The following PTPRD variants were observed in gnomAD, a reference collection of about 807,000 sequenced individuals.
PTPRD encodes the protein receptor-type tyrosine-protein phosphatase delta.
In PTPRD, 34 loss-of-function variants were observed where a neutral mutation model predicts 214.5. The observed-to-expected ratio is 0.16, with a 90% CI of 0.12 to 0.21. PTPRD has a LOEUF of 0.21. Ranked by LOEUF, PTPRD falls within the 10% of genes least tolerant of loss-of-function variation. The probability of loss-of-function intolerance (pLI) is 1.00; values close to 1 mark genes in which losing one functional copy is unlikely to be tolerated. For synonymous variants in PTPRD, 1,128 were observed against 845.7 expected (o/e 1.33, Z -5.79); for missense variants, 2,545 against 2,398.7 (o/e 1.06, Z -1.27).
chr9:8,341,750 C>T lies in PTPRD; in HGVS notation c.4890G>A (p.Gln1630=), dbSNP rs2132492657. ...VPARNLYAYI[Q]KLTQIETGEN... is the part of the protein sequence containing the mutation. ...CTCCCGTTTCTATTTGTGTCAGCTT[C>T]TGAATGTAGGCATACAAGTTTCTAG... is the stretch of plus-strand genomic sequence containing the variant. Residue 1630 remains glutamine (Q), a synonymous_variant, in exon 40 of 46, where the codon CAG becomes CAA. Coordinates refer to ENST00000381196, the MANE Select transcript of PTPRD (RefSeq NM_002839.4). 1.2e-6 allele frequency: 2 copies of T among 1,613,562 alleles called. No homozygotes were observed. Among genetic ancestry groups the T allele is most frequent in the Non-Finnish European group, 1.7e-6 (2 of 1,179,700 alleles).
At chr9:9,300,295 T>A (rs1380655792) in intron 9 of PTPRD, among the ~76,000 whole-genome samples, 1 of 151,660 alleles carries the variant, frequency 6.6e-6, no homozygotes, top group Non-Finnish European at 1.5e-5. Context: ...TGGAACTAAT[T>A]TGTATACACT....
intron 7 of PTPRD, among the ~76,000 whole-genome samples, chr9:9,595,946 TA>T (rs144715622): frequency 0.01 from 1,546 of 148,640 alleles, 27 homozygotes; most frequent in East Asian, 0.083. Flanking sequence ...CCTATGGAAA[TA>T]AAAAAAAAAT....
At chr9:8,343,566 G>A (rs1022195666) in intron 39 of PTPRD, among the ~76,000 whole-genome samples, 1 of 151,954 alleles carries the variant, frequency 6.6e-6, no homozygotes, top group South Asian at 2.1e-4. Context: ...GTTAGATGGC[G>A]AGTTTTCCCT....
chr9:10,446,870 G>T (rs1290232110), intron 2 of PTPRD, among the ~76,000 whole-genome samples: 1 of 152,124 alleles, frequency 6.6e-6, no homozygotes, highest in Non-Finnish European at 1.5e-5. Context: ...CCTAATGTTT[G>T]TGCCACAGCA....
chr9:9,436,030 C>A (rs1218473653), intron 8 of PTPRD, among the ~76,000 whole-genome samples: 1 of 152,134 alleles, frequency 6.6e-6, no homozygotes, highest in Non-Finnish European at 1.5e-5. Flanking sequence ...CTGACCTCAC[C>A]TCTACTTCTG....
intron 7 of PTPRD, among the ~76,000 whole-genome samples, chr9:9,672,968 A>T (rs2096859325): frequency 6.6e-6 from 1 of 152,046 alleles, no homozygotes; most frequent in Non-Finnish European, 1.5e-5. Flanking sequence ...ATCCCTGTTA[A>T]CTAAGAGACA....
chr9:10,531,673 T>A (rs994095539), intron 2 of PTPRD, among the ~76,000 whole-genome samples: 3 of 152,178 alleles, frequency 2.0e-5, no homozygotes, highest in African/African-American at 7.2e-5. Flanking sequence ...TTAAGGTGTA[T>A]GCATGTATGC....
intron 3 of PTPRD, among the ~76,000 whole-genome samples, chr9:10,304,985 A>G (rs913324354): frequency 6.6e-6 from 1 of 152,220 alleles, no homozygotes; most frequent in Non-Finnish European, 1.5e-5. Flanking sequence ...AGCTGGAGGC[A>G]TCACACTACC....
intron 10 of PTPRD, among the ~76,000 whole-genome samples, chr9:9,168,252 T>C (rs2099907946): frequency 6.6e-6 from 1 of 152,226 alleles, no homozygotes; most frequent in African/African-American, 2.4e-5. Context: ...ACCCTTCTTC[T>C]AGACAGTTTA....
intron 8 of PTPRD, among the ~76,000 whole-genome samples, chr9:9,569,835 A>G (rs2085800638): frequency 1.3e-5 from 2 of 151,544 alleles, no homozygotes; most frequent in Non-Finnish European, 3.0e-5. Flanking sequence ...AATTTATTTA[A>G]TCAGAATTAT....
chr9:10,197,780 C>T (rs2099403769), intron 3 of PTPRD, among the ~76,000 whole-genome samples: 1 of 151,920 alleles, frequency 6.6e-6, no homozygotes, highest in Admixed American at 6.6e-5. Flanking sequence ...TCCTGGTAGG[C>T]CATGGGAGGG....
At chr9:9,070,315 A>C (rs2099741947) in intron 10 of PTPRD, among the ~76,000 whole-genome samples, 1 of 152,230 alleles carries the variant, frequency 6.6e-6, no homozygotes, top group Non-Finnish European at 1.5e-5. Flanking sequence ...TAATTCTACA[A>C]GAAATATGCT....
intron 5 of PTPRD, among the ~76,000 whole-genome samples, chr9:9,832,497 A>T (rs1392720400): frequency 6.6e-6 from 1 of 151,994 alleles, no homozygotes; most frequent in Non-Finnish European, 1.5e-5. Flanking sequence ...GGTACATAGC[A>T]TGCCTAAAAA....
chr9:8,638,842 T>TTTTA (rs1020074304), intron 12 of PTPRD, among the ~76,000 whole-genome samples: 2 of 152,130 alleles, frequency 1.3e-5, no homozygotes, highest in Non-Finnish European at 2.9e-5. Context: ...TTTTATTTAT[T>TTTTA]TTTATTTATT....
At chr9:8,775,369 G>C (rs1395306431) in intron 11 of PTPRD, among the ~76,000 whole-genome samples, 1 of 152,082 alleles carries the variant, frequency 6.6e-6, no homozygotes, top group African/African-American at 2.4e-5. Context: ...CACTGCTATA[G>C]TCTTCTTGCT....
intron 14 of PTPRD, among the ~76,000 whole-genome samples, chr9:8,617,338 C>G (rs1370300735): frequency 6.6e-6 from 1 of 152,092 alleles, no homozygotes; most frequent in Non-Finnish European, 1.5e-5. Context: ...ATCTGAGAGG[C>G]AGCTGAGATT....
intron 11 of PTPRD, among the ~76,000 whole-genome samples, chr9:8,802,463 CA>C (rs2096591230): frequency 6.6e-6 from 1 of 152,066 alleles, no homozygotes; most frequent in African/African-American, 2.4e-5. Flanking sequence ...GCCCTAAAGG[CA>C]AAGAAAGGAA....
At chr9:10,538,465 C>T (rs920585366) in intron 2 of PTPRD, among the ~76,000 whole-genome samples, 3 of 151,890 alleles carry the variant, frequency 2.0e-5, no homozygotes, top group South Asian at 2.1e-4. Context: ...GAGCTTTCTT[C>T]GGTTAATCCC....
At chr9:10,278,110 A>C (rs764058168) in intron 3 of PTPRD, among the ~76,000 whole-genome samples, 15 of 151,254 alleles carry the variant, frequency 9.9e-5, no homozygotes, top group South Asian at 6.3e-4. Context: ...GAGCCGAGAT[A>C]GCGCCACTGC....
Sources: allele counts gnomAD v4.1 joint callset (sites outside exome capture counted in the v4.1 genomes callset), GRCh38; gene constraint gnomAD v4.1.1; transcripts MANE v1.5; gene names NCBI Gene and HGNC (gene_info 2026-07-23, HGNC 2026-07-21).